The following IQGAP1 variants were observed in gnomAD, a reference collection of about 807,000 sequenced individuals.
The protein encoded by IQGAP1 is IQ motif containing GTPase activating protein 1, also known as ras GTPase-activating-like protein IQGAP1.
A neutral mutation model predicts 215.6 loss-of-function variants in IQGAP1; 66 were observed. The observed-to-expected ratio is 0.31, with a 90% CI of 0.25 to 0.38. The LOEUF is 0.38. Ranked by LOEUF, IQGAP1 falls within the 10% of genes least tolerant of loss-of-function variation. The pLI, the probability that IQGAP1 is intolerant of heterozygous loss-of-function variation, is 1.00. For missense variants in IQGAP1, 1,712 were observed against 1,997.1 expected (o/e 0.86, Z 2.72); for synonymous variants, 772 against 728.7 (o/e 1.06, Z -0.96).
At chr15:90,409,235 C>CTTTTTTTTT (rs138296381) in intron 2 of IQGAP1, among the ~76,000 whole-genome samples, 2 of 118,450 alleles carry the variant, frequency 1.7e-5, no homozygotes, top group Non-Finnish European at 3.4e-5. Flanking sequence ...CCTATATTCA[C>CTTTTTTTTT]TTTTTTTTTT....
chr15:90,441,317 G>T (rs767452665), intron 7 of IQGAP1, among the ~76,000 whole-genome samples, 189 bp from the exon 8 acceptor site: 1 of 152,122 alleles, frequency 6.6e-6, no homozygotes, highest in Admixed American at 6.5e-5. Context: ...TTTGCATACT[G>T]TAAGGAAGAG....
chr15:90,435,831 T>A (rs995052611), intron 5 of IQGAP1, among the ~76,000 whole-genome samples: 9 of 152,202 alleles, frequency 5.9e-5, no homozygotes, highest in Non-Finnish European at 8.8e-5. Flanking sequence ...TATAGAGCAG[T>A]GTGTTTCGTG....
rs1230374479 is a variant in IQGAP1, at chr15:90,426,220, T to C, written c.266T>C (p.Val89Ala). ...AKLGNFFSPK[V>A]VSLKKIYDRE... The stretch of plus-strand genomic sequence containing the variant: ...CTGGGGAACTTCTTCTCTCCCAAAG[T>C]AGTGTCCCTGAAAAAAATCTATGAT... Residue 89 changes from valine (V) to alanine (A), a missense_variant, in exon 3 of 38, where the codon GTA becomes GCA. Val to Ala is a moderately conservative substitution (Grantham distance 64). This residue lies in a region of IQGAP1 where 1,021 missense variants were observed against 1,074.2 expected (regional missense o/e 0.95). Coordinates refer to ENST00000268182, the MANE Select transcript of IQGAP1 (RefSeq NM_003870.4). The C allele has an allele frequency of 1.2e-6, 2 of 1,604,476 alleles. No individual in the cohort carries two copies. The highest frequency in any genetic ancestry group is 2.7e-5 in the African/African-American group (2 of 74,034).
At chr15:90,495,809 T>C (rs1966265027) in intron 36 of IQGAP1, among the ~76,000 whole-genome samples, 1 of 150,864 alleles carries the variant, frequency 6.6e-6, no homozygotes, top group Admixed American at 6.6e-5. Context: ...AGCTAAGTTT[T>C]TGTATTTTTA....
In IQGAP1 at chr15:90,443,314, G is replaced by A. The variant is rs1596268565; in HGVS notation, c.829-80G>A. ...CCCATATTCTTGGTAGTGTTATGGT[G>A]CAGGAGGAGCACACGTGTATTTATG... On this transcript the variant is annotated intron_variant, in intron 8 of 37. Coordinates refer to ENST00000268182, the MANE Select transcript of IQGAP1 (RefSeq NM_003870.4). The A allele has an allele frequency of 4.9e-6, 4 of 819,038 alleles. No individual in the cohort carries two copies. In the Admixed American group the frequency reaches 5.8e-5, roughly 12 times the overall value. The allele number at this position is 819,038 out of a possible 1,614,324, so 50.7% of individuals were successfully genotyped here.
chr15:90,439,938 A>G (rs993488796), intron 6 of IQGAP1, among the ~76,000 whole-genome samples: 1 of 152,242 alleles, frequency 6.6e-6, no homozygotes, highest in Non-Finnish European at 1.5e-5. Context: ...TAAGGGTAAG[A>G]TAGATTCAAG....
chr15:90,403,321 G>A (rs1964830116), intron 2 of IQGAP1, among the ~76,000 whole-genome samples: 2 of 152,292 alleles, frequency 1.3e-5, no homozygotes, highest in South Asian at 2.1e-4. Flanking sequence ...GTTTAAAAAG[G>A]TAGTGTTTGA....
intron 2 of IQGAP1, among the ~76,000 whole-genome samples, chr15:90,397,112 G>A (rs577551032): frequency 2.6e-5 from 4 of 151,918 alleles, no homozygotes; most frequent in Non-Finnish European, 4.4e-5. Context: ...CTCGGCCCCC[G>A]CAAAGTGCTG....
At chr15:90,463,872 C>T (rs1957662277) in intron 15 of IQGAP1, among the ~76,000 whole-genome samples, 1 of 152,194 alleles carries the variant, frequency 6.6e-6, no homozygotes, top group African/African-American at 2.4e-5. Flanking sequence ...CTGTCACCTG[C>T]ACTCTTTATA....
At position 90,429,610 on chromosome 15, in the gene IQGAP1, C is replaced by T. The variant is rs1239482162; in HGVS notation, c.334C>T (p.His112Tyr). 5 of 1,605,578 alleles carry T rather than the reference C, an allele frequency of 3.1e-6. No homozygotes were observed. The highest frequency in any genetic ancestry group is 4.2e-6 in the Non-Finnish European group (5 of 1,177,298). The change falls in exon 4 of 38, where the codon CAC (histidine) becomes TAC (tyrosine). Residue 112 changes from histidine (H) to tyrosine (Y), a missense_variant. This residue lies in a region of IQGAP1 where 1,021 missense variants were observed against 1,074.2 expected (regional missense o/e 0.95). Transcript: ENST00000268182. ...CTAGGCGACTGGCCTCCACTTTAGA[C>T]ACACTGATAATGTGATTCAGTGGTT... ...RYKATGLHFRHTDNVIQWLNA... is the reference protein window; with the variant it reads ...RYKATGLHFRYTDNVIQWLNA...
intron 7 of IQGAP1, 27 bp from the exon 8 acceptor site, chr15:90,441,479 G>T: frequency 6.3e-7 from 1 of 1,577,338 alleles, no homozygotes; most frequent in South Asian, 1.1e-5. Flanking sequence ...TGTTTTTGTT[G>T]GTTTGTTTTT....
At chr15:90,460,851 T>C (rs1175220162) in intron 15 of IQGAP1, among the ~76,000 whole-genome samples, 1 of 151,618 alleles carries the variant, frequency 6.6e-6, no homozygotes, top group East Asian at 1.9e-4. Flanking sequence ...ATAAAAATAT[T>C]AGCTGGACAC....
At chr15:90,418,286 G>A (rs2601204) in intron 2 of IQGAP1, among the ~76,000 whole-genome samples, 24,518 of 151,992 alleles carry the variant, frequency 0.16, 2,709 homozygotes, top group East Asian at 0.46. Context: ...ATATGAAAAG[G>A]TATAAGAATT....
chr15:90,412,904 C>T (rs571050829), intron 2 of IQGAP1, among the ~76,000 whole-genome samples: 1 of 152,296 alleles, frequency 6.6e-6, no homozygotes, highest in South Asian at 2.1e-4. Context: ...CTGTATTGCA[C>T]AGAGCTGGGA....
chr15:90,463,948 G>C (rs1162208238), intron 15 of IQGAP1, among the ~76,000 whole-genome samples: 1 of 152,208 alleles, frequency 6.6e-6, no homozygotes, highest in South Asian at 2.1e-4. Context: ...TAATAAAACA[G>C]GAGGAAAGCC....
chr15:90,406,274 A>C (rs1422407089), intron 2 of IQGAP1, among the ~76,000 whole-genome samples: 2 of 152,214 alleles, frequency 1.3e-5, no homozygotes, highest in Non-Finnish European at 2.9e-5. Flanking sequence ...CATTAACATC[A>C]TTTCCTTTTG....
chr15:90,474,058 C>G lies in IQGAP1; in HGVS notation c.2506-6C>G. 1 of 1,612,670 alleles carries G rather than the reference C, an allele frequency of 6.2e-7. No individual in the cohort carries two copies. Among genetic ancestry groups the G allele is most frequent in the Non-Finnish European group, 8.5e-7 (1 of 1,179,280 alleles). On this transcript the variant is annotated splice_region_variant and splice_polypyrimidine_tract_variant and intron_variant, in intron 21 of 37. Coordinates refer to ENST00000268182, the MANE Select transcript of IQGAP1 (RefSeq NM_003870.4). ...ACAGAGAAATTTCTTCTTTTTTGTTCCTTAGATAAATGACATTATCAAAAT... is the reference window on the plus strand; with the variant it reads ...ACAGAGAAATTTCTTCTTTTTTGTTGCTTAGATAAATGACATTATCAAAAT...
chr15:90,488,005 G>A (rs1055019106), intron 33 of IQGAP1, among the ~76,000 whole-genome samples: 3 of 152,010 alleles, frequency 2.0e-5, no homozygotes, highest in African/African-American at 4.8e-5. Flanking sequence ...GGTAGTTCAC[G>A]AGGTCAGGAG....
intron 18 of IQGAP1, among the ~76,000 whole-genome samples, chr15:90,471,014 C>CCTTA (rs1169546539): frequency 6.6e-6 from 1 of 152,002 alleles, no homozygotes; most frequent in Non-Finnish European, 1.5e-5. Flanking sequence ...TGGCTCTAGC[C>CCTTA]CTTACCCTTG....
Sources: gnomAD v4.1 joint callset for allele counts (sites outside exome capture counted in the v4.1 genomes callset) on GRCh38, gnomAD v4.1.1 for gene constraint, gnomAD v4.1.1 regional missense constraint, MANE v1.5 for transcripts, NCBI Gene and HGNC (gene_info 2026-07-23, HGNC 2026-07-21) for gene names.